The following CHODL variants were observed in gnomAD, a reference collection of about 807,000 sequenced individuals.
CHODL encodes chondrolectin, also known as transmembrane protein MT75.
CHODL carries 29 observed loss-of-function variants against 34.5 expected under a neutral mutation model. The ratio of observed to expected loss-of-function variants is 0.84; its 90% CI spans 0.63 to 1.15. CHODL has a LOEUF of 1.15. Ranked by LOEUF, CHODL falls within the 50% of genes most tolerant of loss-of-function variation. The pLI is 0.00. For synonymous variants in CHODL, 125 were observed against 116.1 expected, an observed-to-expected ratio of 1.08 and a Z score of -0.49; for missense variants, 332 against 332.5, an observed-to-expected ratio of 1.00 and a Z score of 0.01.
chr21:17,981,201 C>T (rs1480832783), intron 1 of CHODL, among the ~76,000 whole-genome samples: 1 of 152,054 alleles, frequency 6.6e-6, no homozygotes, highest in Non-Finnish European at 1.5e-5. Flanking sequence ...GTTTAGAGCC[C>T]CAGCTTCATG....
intron 2 of CHODL, among the ~76,000 whole-genome samples, chr21:18,096,602 G>A (rs950196502): frequency 1.3e-5 from 2 of 152,106 alleles, no homozygotes; most frequent in Non-Finnish European, 2.9e-5. Context: ...GCTAGGATTA[G>A]GAAATTCCAG....
At chr21:18,213,285 A>G (rs2073791786) in intron 2 of CHODL, among the ~76,000 whole-genome samples, 1 of 152,124 alleles carries the variant, frequency 6.6e-6, no homozygotes, top group African/African-American at 2.4e-5. Flanking sequence ...TAAAATGATT[A>G]TTAGCAAGTT....
At chr21:18,025,143 T>C (rs1050873664) in intron 1 of CHODL, among the ~76,000 whole-genome samples, 1 of 152,134 alleles carries the variant, frequency 6.6e-6, no homozygotes, top group African/African-American at 2.4e-5. Context: ...AGTTTTAGAT[T>C]CAAAACACCT....
chr21:18,189,629 A>ATTTTTTTTTTT (rs35604998), intron 2 of CHODL, among the ~76,000 whole-genome samples: 1 of 94,596 alleles, frequency 1.1e-5, no homozygotes, highest in Admixed American at 1.2e-4. Context: ...GAAGTGGGCA[A>ATTTTTTTTTTT]TTTTTTTTTT....
At chr21:18,090,726 G>GAAAAAAA (rs5842674) in intron 2 of CHODL, among the ~76,000 whole-genome samples, 2 of 125,184 alleles carry the variant, frequency 1.6e-5, no homozygotes, top group African/African-American at 3.1e-5. Context: ...ATAATTTCCA[G>GAAAAAAA]AAAAAAAAAA....
chr21:17,991,630 T>G (rs2063797738), intron 1 of CHODL, among the ~76,000 whole-genome samples: 1 of 151,752 alleles, frequency 6.6e-6, no homozygotes, highest in African/African-American at 2.4e-5. Flanking sequence ...ATTCATGTCT[T>G]TTGCTCACTT....
At chr21:18,265,249 G>A (rs1568965965) in intron 5 of CHODL, among the ~76,000 whole-genome samples, 1 of 141,396 alleles carries the variant, frequency 7.1e-6, no homozygotes, top group Non-Finnish European at 1.5e-5. Context: ...ATATATATGT[G>A]TATATATATG....
intron 2 of CHODL, among the ~76,000 whole-genome samples, chr21:18,097,883 G>A (rs184048841): frequency 2.6e-5 from 4 of 152,118 alleles, no homozygotes; most frequent in Non-Finnish European, 4.4e-5. Flanking sequence ...TAGACCAAAG[G>A]ACCAGAATAG....
chr21:17,940,057 A>C (rs12482835), intron 1 of CHODL, among the ~76,000 whole-genome samples: 36,675 of 152,050 alleles, frequency 0.24, 5,081 homozygotes, highest in South Asian at 0.4. Flanking sequence ...GCTGTCTTGA[A>C]ATTTTAATAA....
At chr21:18,075,136 T>C (rs2064849207) in intron 2 of CHODL, among the ~76,000 whole-genome samples, 4 of 152,180 alleles carry the variant, frequency 2.6e-5, no homozygotes, top group Admixed American at 2.6e-4. Flanking sequence ...ACTTCTATTA[T>C]CCACTCAGAA....
At chr21:18,245,872 T>C in intron 1 of CHODL, 3 of 1,532,142 alleles carry the variant, frequency 2.0e-6, no homozygotes, top group Non-Finnish European at 2.6e-6. Flanking sequence ...ATGCCTTTCC[T>C]TTGCACACTG....
Position 18,076,103 on chromosome 21 carries a change from AAGAC to A in CHODL, c.-45+48136_-45+48139del, listed in dbSNP as rs75154475. On this transcript the variant is annotated intron_variant, in intron 2 of 6. Transcript: ENST00000400127. The stretch of plus-strand genomic sequence containing the variant: ...TTTGTTATAGTAGCCTGCATGGACT[AAGAC>A]AGAGAACTGGTACCAAGAAGTGGGG... Among the ~76,000 whole-genome samples the A allele has an allele frequency of 8.6e-3, 1,305 of 152,328 alleles. 54 individuals carry two copies. The East Asian group carries it at 0.096, about 11-fold the overall frequency.
At chr21:17,920,586 C>A (rs993810344) in intron 1 of CHODL, among the ~76,000 whole-genome samples, 1 of 152,162 alleles carries the variant, frequency 6.6e-6, no homozygotes, top group Admixed American at 6.5e-5. Context: ...CACAGAACAA[C>A]CATATCATAT....
intron 2 of CHODL, among the ~76,000 whole-genome samples, chr21:18,215,876 C>T (rs555066327): frequency 6.8e-4 from 104 of 152,224 alleles, no homozygotes; most frequent in Admixed American, 3.8e-3. Context: ...GGTCTCTCTG[C>T]ATGGGGAGGA....
intron 2 of CHODL, among the ~76,000 whole-genome samples, chr21:18,090,148 T>C (rs1036578441): frequency 2.3e-4 from 35 of 152,214 alleles, no homozygotes; most frequent in African/African-American, 8.2e-4. Context: ...TACTTGAGCA[T>C]AGAATGGCTA....
chr21:18,213,027 T>C (rs1180323615), intron 2 of CHODL, among the ~76,000 whole-genome samples: 1 of 152,138 alleles, frequency 6.6e-6, no homozygotes, highest in Non-Finnish European at 1.5e-5. Context: ...GAGATGGAGA[T>C]GTGATGGTTT....
intron 1 of CHODL, among the ~76,000 whole-genome samples, chr21:18,006,487 T>C (rs1291724615): frequency 2.6e-5 from 4 of 152,142 alleles, no homozygotes. Context: ...ATACCTTTCC[T>C]CCCTCACAGG....
At chr21:18,199,669 A>G (rs1000842450) in intron 2 of CHODL, among the ~76,000 whole-genome samples, 4 of 152,002 alleles carry the variant, frequency 2.6e-5, no homozygotes, top group African/African-American at 9.7e-5. Context: ...TCCTATAACT[A>G]TGGTTTTGTC....
intron 2 of CHODL, among the ~76,000 whole-genome samples, chr21:18,041,633 A>T (rs1187863551): frequency 1.3e-5 from 2 of 151,932 alleles, no homozygotes; most frequent in Non-Finnish European, 2.9e-5. Flanking sequence ...AACCAAAATG[A>T]TAGAAAATTT....
Sources: gnomAD v4.1 joint callset for allele counts (sites outside exome capture counted in the v4.1 genomes callset) on GRCh38, gnomAD v4.1.1 for gene constraint, MANE v1.5 for transcripts, NCBI Gene and HGNC (gene_info 2026-07-23, HGNC 2026-07-21) for gene names.